Variants in ERI3 observed in about 807,000 individuals in gnomAD.
The protein encoded by ERI3 is ERI1 exoribonuclease family member 3, also known as ERI1 exoribonuclease 3.
In ERI3, 18 loss-of-function variants were observed where a neutral mutation model predicts 44.4. The ratio of observed to expected loss-of-function variants is 0.41; its 90% CI spans 0.28 to 0.60. ERI3 has a LOEUF of 0.60. ERI3 is among the 20% of genes least tolerant of loss of function. The probability of loss-of-function intolerance (pLI) is 0.36; values close to 1 mark genes in which losing one functional copy is unlikely to be tolerated. For synonymous variants in ERI3, 183 were observed against 164.8 expected (o/e 1.11, Z -0.84); for missense variants, 294 against 435.5 (o/e 0.68, Z 2.89).
At chr1:44,297,914 G>A (rs962098604) in intron 6 of ERI3, among the ~76,000 whole-genome samples, 9 of 152,214 alleles carry the variant, frequency 5.9e-5, no homozygotes, top group Admixed American at 3.3e-4. Flanking sequence ...AGCAGCAACA[G>A]CAGCTAATGT....
At chr1:44,308,782 C>G (rs1347331507) in intron 5 of ERI3, among the ~76,000 whole-genome samples, 1 of 152,184 alleles carries the variant, frequency 6.6e-6, no homozygotes, top group Non-Finnish European at 1.5e-5. Flanking sequence ...TAGTAGGAGG[C>G]CCCAAACAGG....
chr1:44,253,640 G>A (rs1644726096), intron 7 of ERI3, among the ~76,000 whole-genome samples: 1 of 152,146 alleles, frequency 6.6e-6, no homozygotes, highest in Non-Finnish European at 1.5e-5. Flanking sequence ...CAACACTACT[G>A]CAAAAATGCT....
In ERI3 at chr1:44,335,906, G is replaced by T. The variant is rs1646527206; in HGVS notation, c.489+3139C>A. 2.6e-5 allele frequency among the ~76,000 whole-genome samples: 4 copies of T among 152,004 alleles called. No individual in the cohort carries two copies. In the South Asian group the frequency reaches 8.3e-4, roughly 32 times the overall value. Reference sequence around the variant, plus strand: ...TCCGGTCCTTTTGCTGTCTCTTCTGGCAGTTCATTCTCATCCCAAATCTCA... The same window carrying T: ...TCCGGTCCTTTTGCTGTCTCTTCTGTCAGTTCATTCTCATCCCAAATCTCA... On this transcript the variant is annotated intron_variant, in intron 3 of 8. Coordinates refer to ENST00000372257, the MANE Select transcript of ERI3 (RefSeq NM_024066.3).
chr1:44,249,505 C>T (rs545693864), intron 7 of ERI3, among the ~76,000 whole-genome samples: 1 of 152,338 alleles, frequency 6.6e-6, no homozygotes, highest in Non-Finnish European at 1.5e-5. Flanking sequence ...AACACTCCAG[C>T]CCCATGGGTA....
intron 6 of ERI3, among the ~76,000 whole-genome samples, chr1:44,296,039 G>A (rs72891772): frequency 0.068 from 10,401 of 152,162 alleles, 1,187 homozygotes; most frequent in African/African-American, 0.24. Context: ...AGGAAGGCAA[G>A]GGACTGTGCT....
intron 7 of ERI3, among the ~76,000 whole-genome samples, chr1:44,261,558 A>G (rs1644894241): frequency 1.3e-5 from 2 of 152,228 alleles, no homozygotes; most frequent in African/African-American, 4.8e-5. Flanking sequence ...GAGGGAAAAA[A>G]GGAGAGCGAA....
chr1:44,247,906 G>A, intron 8 of ERI3, 33 bp downstream of exon 8: 1 of 1,567,438 alleles, frequency 6.4e-7, no homozygotes, highest in Non-Finnish European at 8.7e-7. Context: ...GACGATGGAT[G>A]GAGCTGCCGG....
chr1:44,346,220 A>G (rs1646780383), intron 2 of ERI3, among the ~76,000 whole-genome samples: 1 of 152,182 alleles, frequency 6.6e-6, no homozygotes, highest in Admixed American at 6.5e-5. Context: ...AGCTCCCCCA[A>G]CTCAGAAGCA....
chr1:44,314,210 T>A (rs1646035387), intron 4 of ERI3, among the ~76,000 whole-genome samples: 1 of 151,824 alleles, frequency 6.6e-6, no homozygotes, highest in African/African-American at 2.4e-5. Flanking sequence ...GAATACCAAA[T>A]ACCCAACTCA....
chr1:44,224,692 C>A (rs569314084), intron 8 of ERI3, among the ~76,000 whole-genome samples: 1 of 152,320 alleles, frequency 6.6e-6, no homozygotes, highest in South Asian at 2.1e-4. Flanking sequence ...CAATTGATAG[C>A]ACAGATGACT....
intron 5 of ERI3, among the ~76,000 whole-genome samples, chr1:44,311,886 T>C (rs977539255): frequency 2.6e-5 from 4 of 151,626 alleles, no homozygotes; most frequent in South Asian, 2.1e-4. Context: ...CCCTTGGTCA[T>C]AGGAATGAAT....
At chr1:44,281,269 C>T (rs960500135) in intron 7 of ERI3, among the ~76,000 whole-genome samples, 1 of 152,092 alleles carries the variant, frequency 6.6e-6, no homozygotes, top group East Asian at 1.9e-4. Context: ...TCACACAGTA[C>T]CTGGCACACA....
intron 1 of ERI3, chr1:44,354,348 C>T: frequency 2.0e-6 from 2 of 985,436 alleles, no homozygotes; most frequent in Non-Finnish European, 2.4e-6. Flanking sequence ...TTGAGGGGCC[C>T]CACATCCAGC....
At chr1:44,339,924 C>T (rs1393450275) in intron 2 of ERI3, among the ~76,000 whole-genome samples, 1 of 152,182 alleles carries the variant, frequency 6.6e-6, no homozygotes, top group African/African-American at 2.4e-5. Flanking sequence ...TGGTGATCCC[C>T]CAACCCCCAC....
rs543200271 is a variant in ERI3, at chr1:44,343,885, T to C, written c.212-4563A>G. 1.4e-4 allele frequency among the ~76,000 whole-genome samples: 21 copies of C among 152,306 alleles called. No homozygotes were observed. In the South Asian group the frequency reaches 4.1e-3, roughly 30 times the overall value. On this transcript the variant is annotated intron_variant, in intron 2 of 8. Transcript: ENST00000372257. ...CAAATGGTTCAGGGAAAAAATTCTT[T>C]CTACTGTACTTACAACTTTTATGTA...
At chr1:44,262,325 T>C (rs568729414) in intron 7 of ERI3, among the ~76,000 whole-genome samples, 1 of 152,282 alleles carries the variant, frequency 6.6e-6, no homozygotes, top group South Asian at 2.1e-4. Flanking sequence ...CCATCTGAGC[T>C]CTCGCAGGAG....
chr1:44,247,602 G>T (rs1044246208), intron 8 of ERI3, among the ~76,000 whole-genome samples: 3 of 152,096 alleles, frequency 2.0e-5, no homozygotes, highest in African/African-American at 7.2e-5. Context: ...AGCTCCATGG[G>T]GGGTGGGTAA....
At chr1:44,348,630 A>G (rs1348516080) in intron 2 of ERI3, among the ~76,000 whole-genome samples, 5 of 152,358 alleles carry the variant, frequency 3.3e-5, no homozygotes, top group African/African-American at 1.2e-4. Flanking sequence ...CTGCTTCCCA[A>G]CAGTTCTGGT....
intron 3 of ERI3, among the ~76,000 whole-genome samples, chr1:44,335,089 G>A (rs1189106481): frequency 1.3e-5 from 2 of 152,182 alleles, no homozygotes; most frequent in African/African-American, 4.8e-5. Context: ...CCTGTAATCA[G>A]AGCACTTTAG....
Sources: allele counts gnomAD v4.1 joint callset (sites outside exome capture counted in the v4.1 genomes callset), GRCh38; gene constraint gnomAD v4.1.1; transcripts MANE v1.5; gene names NCBI Gene and HGNC (gene_info 2026-07-23, HGNC 2026-07-21).